EXOC4: variants seen among roughly 807,000 people sequenced by gnomAD.
The protein encoded by EXOC4 is SEC8-like 1.
EXOC4 carries 71 observed loss-of-function variants against 107.2 expected under a neutral mutation model. That is an observed-to-expected ratio of 0.66 (90% CI 0.55 to 0.81). The LOEUF (loss-of-function observed/expected upper bound fraction) is 0.81. Among genes scored for constraint, EXOC4 ranks in the 30% least tolerant of loss-of-function variants. The pLI is 0.00. For missense variants in EXOC4, 1,108 were observed against 1,189.6 expected, an observed-to-expected ratio of 0.93 and a Z score of 1.01; for synonymous variants, 456 against 441.2, an observed-to-expected ratio of 1.03 and a Z score of -0.42.
chr7:133,464,635 A>G (rs928080946), intron 7 of EXOC4, among the ~76,000 whole-genome samples: 2 of 152,050 alleles, frequency 1.3e-5, no homozygotes, highest in Non-Finnish European at 2.9e-5. Flanking sequence ...AGTAGAGTGG[A>G]GGTTATCGGA....
At chr7:134,039,119 A>C (rs924125942) in intron 17 of EXOC4, among the ~76,000 whole-genome samples, 1 of 152,178 alleles carries the variant, frequency 6.6e-6, no homozygotes, top group African/African-American at 2.4e-5. Context: ...TCAGAAATAG[A>C]AATGGGTGAA....
the EXOC4 span, among the ~76,000 whole-genome samples, chr7:134,095,193 A>G: frequency 1.3e-5 from 2 of 152,196 alleles, no homozygotes; most frequent in South Asian, 4.1e-4. Flanking sequence ...TCAGAACACA[A>G]TCCCATTTAT....
chr7:133,949,897 C>T (rs1276249948), intron 14 of EXOC4, among the ~76,000 whole-genome samples: 1 of 152,018 alleles, frequency 6.6e-6, no homozygotes, highest in African/African-American at 2.4e-5. Flanking sequence ...TTTTAACAAT[C>T]ACCACTTAAA....
At chr7:133,435,619 T>A (rs933108689) in intron 7 of EXOC4, among the ~76,000 whole-genome samples, 4 of 152,202 alleles carry the variant, frequency 2.6e-5, no homozygotes, top group Admixed American at 2.6e-4. Flanking sequence ...TTCTTAGTGG[T>A]CCAGGCTGCC....
At chr7:133,331,732 G>A (rs1055199439) in intron 5 of EXOC4, among the ~76,000 whole-genome samples, 1 of 152,012 alleles carries the variant, frequency 6.6e-6, no homozygotes. Context: ...CCCAAAGTGA[G>A]GTATTATCTT....
intron 10 of EXOC4, among the ~76,000 whole-genome samples, chr7:133,742,618 C>T (rs1795589311): frequency 6.6e-6 from 1 of 152,174 alleles, no homozygotes; most frequent in African/African-American, 2.4e-5. Flanking sequence ...ATAAATTTCT[C>T]TCTGACAAAG....
intron 7 of EXOC4, among the ~76,000 whole-genome samples, chr7:133,417,959 A>G (rs1425634807): frequency 6.6e-6 from 1 of 152,184 alleles, no homozygotes; most frequent in Non-Finnish European, 1.5e-5. Flanking sequence ...AAGCCATAGT[A>G]TTAATAACTA....
chr7:134,005,769 G>A (rs1475502797), intron 16 of EXOC4, among the ~76,000 whole-genome samples: 1 of 152,110 alleles, frequency 6.6e-6, no homozygotes, highest in Non-Finnish European at 1.5e-5. Context: ...TTGTATCTGT[G>A]TTCTCTCACA....
intron 10 of EXOC4, among the ~76,000 whole-genome samples, chr7:133,643,140 C>T (rs1353004756): frequency 6.6e-6 from 1 of 152,138 alleles, no homozygotes; most frequent in East Asian, 1.9e-4. Context: ...TCAGGGTTCT[C>T]TAGAACCTCA....
intron 9 of EXOC4, among the ~76,000 whole-genome samples, chr7:133,613,336 T>A (rs1211883382): frequency 6.6e-6 from 1 of 152,182 alleles, no homozygotes; most frequent in Non-Finnish European, 1.5e-5. Context: ...AGCAATTTCG[T>A]AGTCACCTCC....
chr7:133,555,731 G>A (rs1800678507), intron 9 of EXOC4, among the ~76,000 whole-genome samples: 1 of 151,992 alleles, frequency 6.6e-6, no homozygotes, highest in Non-Finnish European at 1.5e-5. Context: ...ATTCCAGTTT[G>A]GCATACTGCT....
At chr7:133,531,694 C>G (rs921333357) in intron 9 of EXOC4, among the ~76,000 whole-genome samples, 2 of 152,088 alleles carry the variant, frequency 1.3e-5, no homozygotes, top group East Asian at 1.9e-4. Context: ...CATAAATCCT[C>G]CTTGGATTTG....
At chr7:133,349,526 T>G (rs1454828589) in intron 5 of EXOC4, among the ~76,000 whole-genome samples, 1 of 152,214 alleles carries the variant, frequency 6.6e-6, no homozygotes, top group African/African-American at 2.4e-5. Context: ...TTCCATTGTA[T>G]GTATATATCA....
intron 10 of EXOC4, among the ~76,000 whole-genome samples, chr7:133,788,544 G>A (rs1264729374): frequency 1.3e-5 from 2 of 152,034 alleles, no homozygotes; most frequent in Admixed American, 6.6e-5. Context: ...AGGCTGGAGA[G>A]TACAGTGGTG....
chr7:133,334,808 T>C (rs1241449406), intron 5 of EXOC4, among the ~76,000 whole-genome samples: 3 of 152,140 alleles, frequency 2.0e-5, no homozygotes, highest in African/African-American at 7.2e-5. Flanking sequence ...TACTCATTAG[T>C]TGAGAACATG....
chr7:133,326,999 C>T (rs1195141722), intron 5 of EXOC4, among the ~76,000 whole-genome samples: 1 of 152,232 alleles, frequency 6.6e-6, no homozygotes, highest in African/African-American at 2.4e-5. Flanking sequence ...GCGTGGGACT[C>T]TCCAAGCCAG....
intron 9 of EXOC4, among the ~76,000 whole-genome samples, chr7:133,555,664 A>G (rs1427236075): frequency 6.6e-6 from 1 of 152,200 alleles, no homozygotes; most frequent in Non-Finnish European, 1.5e-5. Flanking sequence ...GATAATGCCC[A>G]TAAGATTGTT....
chr7:133,682,048 G>A (rs1320237657), intron 10 of EXOC4, among the ~76,000 whole-genome samples: 3 of 151,964 alleles, frequency 2.0e-5, no homozygotes, highest in Non-Finnish European at 2.9e-5. Context: ...CCACAGGCAC[G>A]TATAACCATG....
intron 4 of EXOC4, among the ~76,000 whole-genome samples, chr7:133,307,956 A>G (rs904990090): frequency 2.6e-5 from 4 of 152,234 alleles, no homozygotes; most frequent in African/African-American, 9.6e-5. Flanking sequence ...CCATGAAAAC[A>G]GTAACCGGGA....
Sources: gnomAD v4.1 joint callset for allele counts (sites outside exome capture counted in the v4.1 genomes callset) on GRCh38, gnomAD v4.1.1 for gene constraint, MANE v1.5 for transcripts, NCBI Gene and HGNC (gene_info 2026-07-23, HGNC 2026-07-21) for gene names.